The following INPP4B variants were observed in gnomAD, a reference collection of about 807,000 sequenced individuals.
The protein encoded by INPP4B is inositol polyphosphate-4-phosphatase type II B.
INPP4B carries 55 observed loss-of-function variants against 122.5 expected under a neutral mutation model. The ratio of observed to expected loss-of-function variants is 0.45; its 90% confidence interval spans 0.36 to 0.56. The LOEUF (loss-of-function observed/expected upper bound fraction) is 0.56, where lower values mean the gene tolerates loss of function less well. Ranked by LOEUF, INPP4B falls within the 20% of genes least tolerant of loss-of-function variation. The pLI, the probability that INPP4B is intolerant of heterozygous loss-of-function variation, is 0.00. For synonymous variants in INPP4B, 403 were observed against 388.7 expected (o/e 1.04, Z -0.43); for missense variants, 1,000 against 1,097.7 (o/e 0.91, Z 1.26).
intron 2 of INPP4B, among the ~76,000 whole-genome samples, chr4:142,684,394 A>T (rs1032395631): frequency 2.0e-5 from 3 of 152,068 alleles, no homozygotes; most frequent in African/African-American, 7.2e-5. Flanking sequence ...CCAAGAGCAC[A>T]TGCTTGGTTA....
chr4:142,588,417 T>C (rs1286431287), intron 2 of INPP4B, among the ~76,000 whole-genome samples: 1 of 151,702 alleles, frequency 6.6e-6, no homozygotes, highest in African/African-American at 2.4e-5. Context: ...AAAGAACTAA[T>C]TACAAGAACA....
chr4:142,405,117 G>A, intron 6 of INPP4B, 89 bp downstream of exon 6: 1 of 696,020 alleles, frequency 1.4e-6, no homozygotes, highest in South Asian at 1.6e-5. Context: ...TGGGGCGGGG[G>A]TGGGGGGGAG....
intron 2 of INPP4B, among the ~76,000 whole-genome samples, chr4:142,666,599 C>G (rs1756125429): frequency 6.6e-6 from 1 of 151,836 alleles, no homozygotes; most frequent in South Asian, 2.1e-4. Context: ...CAATATTTAG[C>G]TCTTGAAAAT....
At chr4:142,643,431 T>C (rs1750993484) in intron 2 of INPP4B, among the ~76,000 whole-genome samples, 1 of 152,090 alleles carries the variant, frequency 6.6e-6, no homozygotes, top group Non-Finnish European at 1.5e-5. Context: ...AACAAAGTAA[T>C]GGTAATGATT....
At chr4:142,656,556 A>G (rs572110142) in intron 2 of INPP4B, among the ~76,000 whole-genome samples, 23 of 152,084 alleles carry the variant, frequency 1.5e-4, no homozygotes, top group South Asian at 8.3e-4. Flanking sequence ...TGGGGCTAGG[A>G]TGCATGGCCT....
At chr4:142,468,747 GC>G (rs1326142037) in intron 2 of INPP4B, among the ~76,000 whole-genome samples, 1 of 152,134 alleles carries the variant, frequency 6.6e-6, no homozygotes, top group Non-Finnish European at 1.5e-5. Context: ...CTCATCAGAT[GC>G]AGGTGTTCAT....
chr4:142,568,290 T>C (rs1463655778), intron 2 of INPP4B, among the ~76,000 whole-genome samples: 1 of 152,152 alleles, frequency 6.6e-6, no homozygotes, highest in African/African-American at 2.4e-5. Context: ...GGCCTTACTT[T>C]GTAAGACCTG....
At chr4:142,030,355 CA>C (rs1241453926) in intron 25 of INPP4B, 2 of 1,456,830 alleles carry the variant, frequency 1.4e-6, no homozygotes, top group African/African-American at 2.8e-5. Context: ...AGAGTTCACA[CA>C]GTAAAAAAAA....
intron 7 of INPP4B, among the ~76,000 whole-genome samples, chr4:142,386,577 T>C (rs1796038062): frequency 1.3e-5 from 2 of 152,190 alleles, no homozygotes; most frequent in Non-Finnish European, 2.9e-5. Flanking sequence ...CTTCAACCAC[T>C]TGAACACTGC....
intron 9 of INPP4B, among the ~76,000 whole-genome samples, chr4:142,293,010 TA>T (rs1408028969): frequency 6.7e-6 from 1 of 150,070 alleles, no homozygotes; most frequent in Non-Finnish European, 1.5e-5. Context: ...GATGATGTTA[TA>T]AAAAAGGTAA....
intron 14 of INPP4B, among the ~76,000 whole-genome samples, chr4:142,203,332 G>T (rs1196942939): frequency 6.6e-6 from 1 of 152,006 alleles, no homozygotes; most frequent in Non-Finnish European, 1.5e-5. Context: ...AAACAAAATA[G>T]TTGCTTTAGT....
chr4:142,719,724 T>A (rs968053751), intron 2 of INPP4B, among the ~76,000 whole-genome samples: 1 of 152,210 alleles, frequency 6.6e-6, no homozygotes, highest in Non-Finnish European at 1.5e-5. Context: ...ATATCATTTT[T>A]TCTTATTTCT....
chr4:142,707,927 T>C (rs927979216), intron 2 of INPP4B, among the ~76,000 whole-genome samples: 1 of 152,178 alleles, frequency 6.6e-6, no homozygotes, highest in Admixed American at 6.5e-5. Context: ...ACTTGTTAAA[T>C]TATTGTGGCC....
intron 21 of INPP4B, among the ~76,000 whole-genome samples, chr4:142,114,356 C>A (rs566050863): frequency 3.3e-5 from 5 of 152,064 alleles, no homozygotes; most frequent in African/African-American, 1.2e-4. Flanking sequence ...TTATATTTAA[C>A]TTTTTAAGAC....
chr4:142,788,977 C>T (rs1469434006), intron 1 of INPP4B, among the ~76,000 whole-genome samples: 2 of 151,992 alleles, frequency 1.3e-5, no homozygotes, highest in African/African-American at 4.8e-5. Context: ...GAATTAAAAA[C>T]AAAAACCAGA....
rs777575735 is a variant in INPP4B, at chr4:142,703,725, G to T, written c.-191+22114C>A. Among the ~76,000 whole-genome samples the T allele has an allele frequency of 5.5e-4, 84 of 152,080 alleles. 1 individual carries two copies. Among genetic ancestry groups the T allele is most frequent in the Admixed American group, 1.2e-3 (19 of 15,268 alleles). ...ATTAGTTCATCCTGGGATAAAAATG[G>T]GCTCCTCTCTGAGGGCAGAATGCAT... On this transcript the variant is annotated intron_variant, in intron 2 of 25. Transcript: ENST00000262992.
intron 7 of INPP4B, among the ~76,000 whole-genome samples, chr4:142,390,193 CAT>C (rs1554047122): frequency 1.3e-5 from 2 of 152,098 alleles, no homozygotes; most frequent in Non-Finnish European, 2.9e-5. Flanking sequence ...TTGGGGATAA[CAT>C]TAAATAGTAG....
At position 142,747,854 on chromosome 4, in the gene INPP4B, A is replaced by T. The variant is rs1041888782; in HGVS notation, c.-253-21953T>A. ...AGGGATGCAGGAAGGGGAACATCAC[A>T]TACCAGGGCCTGTCAAGGGGTGGGG... On this transcript the variant is annotated intron_variant, in intron 1 of 25. Coordinates refer to ENST00000262992, the MANE Select transcript of INPP4B (RefSeq NM_001101669.3). Among the ~76,000 whole-genome samples, 4 of 147,594 alleles carry T rather than the reference A, an allele frequency of 2.7e-5. No individual in the cohort carries two copies. The East Asian group carries it at 5.9e-4, about 22-fold the overall frequency.
chr4:142,201,892 T>C (rs1840773342), intron 14 of INPP4B, among the ~76,000 whole-genome samples: 1 of 152,076 alleles, frequency 6.6e-6, no homozygotes, highest in South Asian at 2.1e-4. Flanking sequence ...TATCCTATTC[T>C]TTATGTATCT....
Sources: gnomAD v4.1 joint callset for allele counts (sites outside exome capture counted in the v4.1 genomes callset) on GRCh38, gnomAD v4.1.1 for gene constraint, MANE v1.5 for transcripts, NCBI Gene and HGNC (gene_info 2026-07-23, HGNC 2026-07-21) for gene names.